ASTN2: variants seen among roughly 807,000 people sequenced by gnomAD.
ASTN2 encodes astrotactin 2.
A neutral mutation model predicts 139.8 loss-of-function variants in ASTN2; 54 were observed. The observed-to-expected ratio is 0.39, with a 90% CI of 0.31 to 0.48. The LOEUF (loss-of-function observed/expected upper bound fraction) is 0.48, where lower values mean the gene tolerates loss of function less well. Among genes scored for constraint, ASTN2 ranks in the 20% least tolerant of loss-of-function variants. The pLI is 0.95. For synonymous variants in ASTN2, 756 were observed against 719.5 expected (o/e 1.05, Z -0.81); for missense variants, 1,565 against 1,725.1 (o/e 0.91, Z 1.64).
chr9:116,513,188 C>T (rs543357407), intron 19 of ASTN2, among the ~76,000 whole-genome samples: 73 of 152,300 alleles, frequency 4.8e-4, no homozygotes, highest in African/African-American at 1.8e-3. Flanking sequence ...TCTTGTAGGG[C>T]AGGCCTGGTG....
At chr9:116,532,328 G>A (rs1052528679) in intron 19 of ASTN2, among the ~76,000 whole-genome samples, 1 of 152,132 alleles carries the variant, frequency 6.6e-6, no homozygotes, top group African/African-American at 2.4e-5. Flanking sequence ...TCACTCTGAT[G>A]GTATTTCCTT....
intron 5 of ASTN2, among the ~76,000 whole-genome samples, chr9:117,095,049 C>T (rs946793135): frequency 2.6e-5 from 4 of 152,212 alleles, no homozygotes; most frequent in Non-Finnish European, 5.9e-5. Flanking sequence ...ACCCCAGCTA[C>T]TTCTCAGCAC....
chr9:116,550,797 T>A (rs55957960), intron 19 of ASTN2, among the ~76,000 whole-genome samples: 24,740 of 152,124 alleles, frequency 0.16, 2,529 homozygotes, highest in Non-Finnish European at 0.23. Flanking sequence ...TGGGACAAGG[T>A]AAAGTTAGGG....
At chr9:117,006,152 C>G (rs1167516845) in intron 7 of ASTN2, among the ~76,000 whole-genome samples, 4 of 152,104 alleles carry the variant, frequency 2.6e-5, no homozygotes, top group Non-Finnish European at 5.9e-5. Context: ...ACACCCACAC[C>G]CAGCCCCACT....
intron 13 of ASTN2, among the ~76,000 whole-genome samples, chr9:116,785,902 A>T (rs955928813): frequency 6.6e-6 from 1 of 152,336 alleles, no homozygotes; most frequent in Non-Finnish European, 1.5e-5. Context: ...TTTCTGCTCA[A>T]ATAATGCACT....
At chr9:116,769,736 G>T (rs764662110) in intron 13 of ASTN2, among the ~76,000 whole-genome samples, 2 of 152,124 alleles carry the variant, frequency 1.3e-5, no homozygotes, top group Non-Finnish European at 2.9e-5. Context: ...GATCTCACTT[G>T]TATTTTGTCT....
At chr9:116,577,146 G>A (rs1853755101) in intron 19 of ASTN2, among the ~76,000 whole-genome samples, 7 of 152,172 alleles carry the variant, frequency 4.6e-5, no homozygotes, top group Admixed American at 4.6e-4. Context: ...TGGTGATGGG[G>A]CTAGGATCTG....
chr9:116,870,504 C>A (rs565982530), intron 10 of ASTN2, among the ~76,000 whole-genome samples: 1 of 152,298 alleles, frequency 6.6e-6, no homozygotes, highest in South Asian at 2.1e-4. Flanking sequence ...TCTTTGGCCT[C>A]CCAGCAGCTG....
At chr9:117,238,644 C>G (rs1371681473) in intron 2 of ASTN2, among the ~76,000 whole-genome samples, 1 of 152,152 alleles carries the variant, frequency 6.6e-6, no homozygotes, top group African/African-American at 2.4e-5. Context: ...GATGGAGCAA[C>G]CTGGGGAGAA....
At chr9:116,614,685 A>G (rs1855746784) in intron 19 of ASTN2, among the ~76,000 whole-genome samples, 1 of 152,188 alleles carries the variant, frequency 6.6e-6, no homozygotes, top group Non-Finnish European at 1.5e-5. Context: ...GAAAGCTGAA[A>G]CTGGATCCCT....
At chr9:117,380,298 C>G (rs1175859251) in intron 1 of ASTN2, among the ~76,000 whole-genome samples, 1 of 152,020 alleles carries the variant, frequency 6.6e-6, no homozygotes, top group Non-Finnish European at 1.5e-5. Flanking sequence ...AAAGAGATCA[C>G]AGGATGCTAT....
intron 2 of ASTN2, among the ~76,000 whole-genome samples, chr9:117,257,378 G>C (rs1833715544): frequency 1.3e-5 from 2 of 152,196 alleles, no homozygotes; most frequent in Admixed American, 1.3e-4. Context: ...TATGACCAAA[G>C]AGTAGAAACT....
intron 20 of ASTN2, among the ~76,000 whole-genome samples, chr9:116,450,128 C>G (rs1394100193): frequency 6.6e-6 from 1 of 152,214 alleles, no homozygotes; most frequent in African/African-American, 2.4e-5. Flanking sequence ...CAGCAAACTA[C>G]AGCCCACAGT....
chr9:116,699,804 C>A lies in ASTN2; in HGVS notation c.2806+25967G>T. ...ATGCAGAATAGACTCAGCCTATGTCCTGATTCCAGCTGGGTAGTTCTAGAA... is the reference window on the plus strand; with the variant it reads ...ATGCAGAATAGACTCAGCCTATGTCATGATTCCAGCTGGGTAGTTCTAGAA... On this transcript the variant is annotated intron_variant, in intron 16 of 22. Transcript: ENST00000313400. This position sits in a 1 kb window ranked among gnomAD's most constrained non-coding sequence, Gnocchi z 4.2. 6.6e-7 allele frequency: 1 copy of A among 1,514,138 alleles called. No homozygotes were observed. Among genetic ancestry groups the A allele is most frequent in the Non-Finnish European group, 9.1e-7 (1 of 1,096,838 alleles). 93.8% of individuals were successfully genotyped at this position (1,514,138 alleles called of 1,614,324 possible).
At chr9:117,230,729 C>T (rs113881926) in intron 2 of ASTN2, among the ~76,000 whole-genome samples, 2 of 152,238 alleles carry the variant, frequency 1.3e-5, no homozygotes, top group African/African-American at 4.8e-5. Context: ...AAAATAAGAC[C>T]TCTTTTCTCA....
At chr9:116,585,108 A>T (rs948584283) in intron 19 of ASTN2, 2 of 152,196 alleles carry the variant, frequency 1.3e-5, no homozygotes, top group Non-Finnish European at 2.9e-5. Context: ...TGGGCATAAG[A>T]CTGACCTGGT....
chr9:117,062,644 T>C (rs905217712), intron 5 of ASTN2, among the ~76,000 whole-genome samples: 1 of 152,188 alleles, frequency 6.6e-6, no homozygotes, highest in Non-Finnish European at 1.5e-5. Flanking sequence ...GCCATGCCCT[T>C]GAGTGCCTAT....
chr9:117,106,479 G>A (rs1020628934), intron 4 of ASTN2, among the ~76,000 whole-genome samples: 5 of 151,872 alleles, frequency 3.3e-5, no homozygotes, highest in African/African-American at 9.7e-5. Flanking sequence ...GATTATAAAC[G>A]TGAGCCACTG....
chr9:117,120,715 A>G (rs1181052812), intron 4 of ASTN2, among the ~76,000 whole-genome samples: 2 of 152,192 alleles, frequency 1.3e-5, no homozygotes, highest in East Asian at 1.9e-4. Flanking sequence ...TGTTAAAACT[A>G]TCATAATGGG....
Sources: allele counts gnomAD v4.1 joint callset (sites outside exome capture counted in the v4.1 genomes callset), GRCh38; gene constraint gnomAD v4.1.1; non-coding constraint Gnocchi (gnomAD v3.1); transcripts MANE v1.5; gene names NCBI Gene and HGNC (gene_info 2026-07-23, HGNC 2026-07-21).